The following PDE1C variants were observed in gnomAD, a reference collection of about 807,000 sequenced individuals.
PDE1C encodes dual specificity calcium/calmodulin-dependent 3',5'-cyclic nucleotide phosphodiesterase 1C.
A neutral mutation model predicts 93.1 loss-of-function variants in PDE1C; 62 were observed. The observed-to-expected ratio is 0.67, with a 90% confidence interval of 0.54 to 0.82. The LOEUF (loss-of-function observed/expected upper bound fraction) is 0.82. Ranked by LOEUF, PDE1C falls within the 40% of genes least tolerant of loss-of-function variation. The pLI is 0.00. For synonymous variants in PDE1C, 325 were observed against 310.1 expected (o/e 1.05, Z -0.50); for missense variants, 742 against 884.6 (o/e 0.84, Z 2.04).
intron 16 of PDE1C, among the ~76,000 whole-genome samples, chr7:31,792,084 A>G (rs2128663466): frequency 6.6e-6 from 1 of 152,166 alleles, no homozygotes; most frequent in Non-Finnish European, 1.5e-5. Context: ...CAAGAAGCAT[A>G]TGTTCTATAG....
chr7:32,397,102 T>C (rs1389130503), intron 1 of PDE1C, among the ~76,000 whole-genome samples: 2 of 151,988 alleles, frequency 1.3e-5, no homozygotes, highest in East Asian at 1.9e-4. Flanking sequence ...AAAATCCAGA[T>C]GCAATAAAGG....
intron 1 of PDE1C, among the ~76,000 whole-genome samples, chr7:32,274,448 T>C (rs1466531338): frequency 2.0e-5 from 3 of 150,506 alleles, no homozygotes; most frequent in Admixed American, 6.6e-5. Context: ...GTTCAAGGGA[T>C]CCTCCCACCT....
intron 2 of PDE1C, among the ~76,000 whole-genome samples, chr7:32,177,052 A>T (rs949544784): frequency 2.6e-5 from 4 of 152,242 alleles, no homozygotes; most frequent in Non-Finnish European, 4.4e-5. Flanking sequence ...GGTGAGTAAT[A>T]ATAATATTAA....
At chr7:31,778,539 C>T (rs895092203) in intron 16 of PDE1C, among the ~76,000 whole-genome samples, 2 of 152,144 alleles carry the variant, frequency 1.3e-5, no homozygotes, top group African/African-American at 4.8e-5. Flanking sequence ...CTAGTCATGA[C>T]GATCATAAAC....
chr7:31,753,090 A>G lies in PDE1C; in HGVS notation c.*294T>C, dbSNP rs1180251866. 4.8e-6 allele frequency: 1 copy of G among 206,290 alleles called. No individual in the cohort carries two copies. Among genetic ancestry groups the G allele is most frequent in the African/African-American group, 2.3e-5 (1 of 43,592 alleles). The allele number at this position is 206,290 out of a possible 1,614,324, so 12.8% of individuals were successfully genotyped here. A position where few individuals can be genotyped will look rare whatever the true frequency, so the allele number is the denominator to read the frequency against. On this transcript the variant is annotated 3_prime_UTR_variant, in exon 18 of 18. Transcript: ENST00000396191. ...TTTTATTTTTTTTTAAGTTTGTGTC[A>G]TTTTAATTTTGGTCCAATTTAGACT... is the stretch of plus-strand genomic sequence containing the variant.
At chr7:31,844,276 A>G (rs961318101) in intron 9 of PDE1C, among the ~76,000 whole-genome samples, 8 of 151,682 alleles carry the variant, frequency 5.3e-5, no homozygotes, top group African/African-American at 1.9e-4. Context: ...ACAAAATAAT[A>G]TTTTTGAAAC....
chr7:31,868,134 A>C (rs1195348446), intron 6 of PDE1C, among the ~76,000 whole-genome samples: 1 of 152,236 alleles, frequency 6.6e-6, no homozygotes, highest in Non-Finnish European at 1.5e-5. Context: ...CACAATAAAC[A>C]TTTATAAAGC....
At chr7:32,205,654 C>T (rs12701189) in intron 2 of PDE1C, among the ~76,000 whole-genome samples, 51,747 of 151,844 alleles carry the variant, frequency 0.34, 9,386 homozygotes, top group Admixed American at 0.46. Context: ...AGCTTTGTTC[C>T]TTCCCCCTTT....
chr7:32,402,793 A>G (rs1784975079), intron 1 of PDE1C, among the ~76,000 whole-genome samples: 1 of 152,232 alleles, frequency 6.6e-6, no homozygotes, highest in African/African-American at 2.4e-5. Flanking sequence ...AATAAATGGT[A>G]GCAGTTATTA....
chr7:32,341,181 T>A (rs1331610016), intron 1 of PDE1C, among the ~76,000 whole-genome samples: 3 of 113,524 alleles, frequency 2.6e-5, no homozygotes, highest in South Asian at 3.7e-4. Context: ...GTCTTTTTTT[T>A]TTTTTTTTTT....
rs184782785 is a variant in PDE1C, at chr7:32,367,593, A to G, written c.310+60229T>C. On this transcript the variant is annotated intron_variant, in intron 1 of 1. Coordinates refer to the PDE1C transcript ENST00000672256. The stretch of plus-strand genomic sequence containing the variant: ...TATTCCAGGCTGGGTGTGGTGGCTT[A>G]TGCCTGTAATCCAGCACTTTGGGAG... Among the ~76,000 whole-genome samples the G allele has an allele frequency of 1.3e-3, 193 of 152,278 alleles. 1 individual carries two copies. Among genetic ancestry groups the G allele is most frequent in the African/African-American group, 4.5e-3 (189 of 41,550 alleles).
At chr7:32,195,628 G>A (rs1804555795) in intron 2 of PDE1C, among the ~76,000 whole-genome samples, 1 of 152,152 alleles carries the variant, frequency 6.6e-6, no homozygotes, top group African/African-American at 2.4e-5. Context: ...AAGGCAGGAG[G>A]ATTGCTCGAG....
At chr7:31,829,201 C>G (rs554115213) in intron 11 of PDE1C, among the ~76,000 whole-genome samples, 2 of 152,188 alleles carry the variant, frequency 1.3e-5, no homozygotes, top group African/African-American at 4.8e-5. Flanking sequence ...CTTTCTCCTA[C>G]TAGATGTGAG....
At chr7:32,140,822 T>C (rs1164556223) in intron 3 of PDE1C, among the ~76,000 whole-genome samples, 2 of 152,228 alleles carry the variant, frequency 1.3e-5, no homozygotes, top group African/African-American at 4.8e-5. Context: ...GGATGTATAA[T>C]AGAGGCAGGG....
the PDE1C span, among the ~76,000 whole-genome samples, chr7:31,629,970 A>C: frequency 2.6e-5 from 4 of 152,188 alleles, no homozygotes; most frequent in Admixed American, 2.6e-4. Flanking sequence ...AATATCATGA[A>C]TATTTTTAAA....
chr7:31,972,305 C>T (rs1445985294), intron 2 of PDE1C, among the ~76,000 whole-genome samples: 2 of 152,070 alleles, frequency 1.3e-5, no homozygotes, highest in Non-Finnish European at 2.9e-5. Flanking sequence ...TATCTCATTC[C>T]AAAGGCCGCA....
chr7:31,811,640 A>T (rs1361076647), intron 15 of PDE1C, among the ~76,000 whole-genome samples: 1 of 152,044 alleles, frequency 6.6e-6, no homozygotes, highest in Non-Finnish European at 1.5e-5. Flanking sequence ...CTCTTAATGC[A>T]TGCTTTTTAA....
At chr7:32,050,612 C>T (rs1793221877) in intron 2 of PDE1C, among the ~76,000 whole-genome samples, 1 of 151,900 alleles carries the variant, frequency 6.6e-6, no homozygotes, top group African/African-American at 2.4e-5. Flanking sequence ...ATATCATACA[C>T]TTTAGATATA....
intron 1 of PDE1C, among the ~76,000 whole-genome samples, chr7:32,313,102 TA>T (rs1783088327): frequency 1.3e-5 from 2 of 150,980 alleles, no homozygotes; most frequent in Admixed American, 6.6e-5. Flanking sequence ...AGGATATGAA[TA>T]GACACTCCTC....
Sources: allele counts gnomAD v4.1 joint callset (sites outside exome capture counted in the v4.1 genomes callset), GRCh38; gene constraint gnomAD v4.1.1; transcripts MANE v1.5; gene names NCBI Gene and HGNC (gene_info 2026-07-23, HGNC 2026-07-21).